The following LHFPL3 variants were observed in gnomAD, a reference collection of about 807,000 sequenced individuals.
LHFPL3 encodes LHFPL tetraspan subfamily member 3 protein.
LHFPL3 carries 5 observed loss-of-function variants against 19.3 expected under a neutral mutation model. That is an observed-to-expected ratio of 0.26 (90% CI 0.14 to 0.54). The LOEUF is 0.54. LHFPL3 is among the 20% of genes least tolerant of loss of function. The pLI is 0.94. For missense variants in LHFPL3, 249 were observed against 307.4 expected, an observed-to-expected ratio of 0.81 and a Z score of 1.42; for synonymous variants, 133 against 126.2, an observed-to-expected ratio of 1.05 and a Z score of -0.36.
chr7:104,658,228 C>T (rs1306127386), intron 1 of LHFPL3, among the ~76,000 whole-genome samples: 1 of 152,150 alleles, frequency 6.6e-6, no homozygotes, highest in Non-Finnish European at 1.5e-5. Flanking sequence ...GTTCTCAGTT[C>T]TGATTTCTTT....
intron 1 of LHFPL3, among the ~76,000 whole-genome samples, chr7:104,695,568 TAA>T (rs1048513951): frequency 2.0e-5 from 3 of 152,190 alleles, no homozygotes; most frequent in Admixed American, 2.0e-4. Flanking sequence ...CTGCTGAGAC[TAA>T]AAAACTCAAA....
At chr7:104,414,083 T>A (rs1221583821) in intron 1 of LHFPL3, among the ~76,000 whole-genome samples, 1 of 150,740 alleles carries the variant, frequency 6.6e-6, no homozygotes, top group East Asian at 2.0e-4. Flanking sequence ...ACTGTATTCC[T>A]CATTATTTCA....
At chr7:104,790,118 A>AT (rs1789993233) in intron 2 of LHFPL3, among the ~76,000 whole-genome samples, 1 of 152,198 alleles carries the variant, frequency 6.6e-6, no homozygotes, top group African/African-American at 2.4e-5. Flanking sequence ...GACTGTGTTT[A>AT]TTCACCAGGG....
chr7:104,635,045 A>G (rs1053220810), intron 1 of LHFPL3, among the ~76,000 whole-genome samples: 9 of 152,226 alleles, frequency 5.9e-5, no homozygotes, highest in African/African-American at 2.2e-4. Context: ...AATGTTATGT[A>G]TATTTTTTAA....
intron 1 of LHFPL3, among the ~76,000 whole-genome samples, chr7:104,430,967 C>G (rs1215292712): frequency 6.6e-6 from 1 of 151,688 alleles, no homozygotes; most frequent in East Asian, 1.9e-4. Flanking sequence ...ACATACAGAC[C>G]AGATGATAAA....
intron 1 of LHFPL3, among the ~76,000 whole-genome samples, chr7:104,646,696 T>C (rs1562957348): frequency 6.6e-6 from 1 of 152,222 alleles, no homozygotes; most frequent in African/African-American, 2.4e-5. Flanking sequence ...GACTGAGCTA[T>C]TGAATGTTTA....
chr7:104,795,466 T>G (rs770690352), intron 2 of LHFPL3, among the ~76,000 whole-genome samples: 1 of 152,214 alleles, frequency 6.6e-6, no homozygotes, highest in African/African-American at 2.4e-5. Flanking sequence ...TCTAACAGTT[T>G]GTATGCCTCA....
At chr7:104,820,722 T>A (rs549086331) in intron 2 of LHFPL3, among the ~76,000 whole-genome samples, 1 of 152,184 alleles carries the variant, frequency 6.6e-6, no homozygotes, top group Non-Finnish European at 1.5e-5. Context: ...AGGGAGCACA[T>A]AGGTTGGGAA....
At chr7:104,872,314 G>A (rs1791853019) in intron 2 of LHFPL3, among the ~76,000 whole-genome samples, 1 of 149,600 alleles carries the variant, frequency 6.7e-6, no homozygotes, top group South Asian at 2.1e-4. Flanking sequence ...TCCAGCCTAG[G>A]TGACAGAGCA....
At chr7:104,652,561 C>A (rs1470021681) in intron 1 of LHFPL3, among the ~76,000 whole-genome samples, 1 of 152,108 alleles carries the variant, frequency 6.6e-6, no homozygotes, top group Non-Finnish European at 1.5e-5. Flanking sequence ...AAGGTCTTAG[C>A]ATAGGATCCA....
At chr7:104,417,752 A>C (rs1212890674) in intron 1 of LHFPL3, among the ~76,000 whole-genome samples, 1 of 123,648 alleles carries the variant, frequency 8.1e-6, no homozygotes, top group Non-Finnish European at 1.8e-5. Context: ...AGACATAACT[A>C]ATATGCAGTA....
intron 1 of LHFPL3, among the ~76,000 whole-genome samples, chr7:104,468,535 C>T (rs1285788087): frequency 6.6e-6 from 1 of 152,032 alleles, no homozygotes; most frequent in African/African-American, 2.4e-5. Flanking sequence ...TGTGCCCTTG[C>T]AAGTGGGAGC....
At chr7:104,379,813 C>T (rs1049864400) in intron 1 of LHFPL3, among the ~76,000 whole-genome samples, 1 of 152,206 alleles carries the variant, frequency 6.6e-6, no homozygotes, top group Admixed American at 6.5e-5. Context: ...ATGGATGTGG[C>T]TGGAGCCACA....
intron 1 of LHFPL3, among the ~76,000 whole-genome samples, chr7:104,707,020 G>A (rs958021591): frequency 6.6e-6 from 1 of 152,142 alleles, no homozygotes; most frequent in South Asian, 2.1e-4. Flanking sequence ...ACAAAAAGAA[G>A]CCTTAGATCT....
chr7:104,840,665 C>T (rs1005581123), intron 2 of LHFPL3, among the ~76,000 whole-genome samples: 6 of 151,542 alleles, frequency 4.0e-5, no homozygotes, highest in South Asian at 2.1e-4. Flanking sequence ...CCACTGAACA[C>T]CAAATATCCA....
At chr7:104,750,755 CA>C (rs375406665) in intron 2 of LHFPL3, among the ~76,000 whole-genome samples, 94 of 152,300 alleles carry the variant, frequency 6.2e-4, no homozygotes, top group East Asian at 3.1e-3. Context: ...ACACTTGGGA[CA>C]GGGGGGGTTG....
At chr7:104,860,152 C>T (rs1206099107) in intron 2 of LHFPL3, among the ~76,000 whole-genome samples, 2 of 146,940 alleles carry the variant, frequency 1.4e-5, no homozygotes, top group South Asian at 2.2e-4. Context: ...CCACCACCCC[C>T]CAAATACACA....
chr7:104,736,916 G>T lies in LHFPL3; in HGVS notation c.682+5G>T, dbSNP rs775742044. 8.2e-6 allele frequency: 13 copies of T among 1,584,486 alleles called. No homozygotes were observed. The stretch of plus-strand genomic sequence containing the variant: ...AACTGAAGGCAGAAAACAAAGGTAA[G>T]ATTGCTTTAAGGAACTCTTACCTGG... On this transcript the variant is annotated splice_donor_5th_base_variant and intron_variant, in intron 2 of 2. Coordinates refer to ENST00000424859, the MANE Select transcript of LHFPL3 (RefSeq NM_199000.3).
intron 2 of LHFPL3, among the ~76,000 whole-genome samples, chr7:104,784,828 C>A (rs1348252466): frequency 1.3e-5 from 2 of 152,094 alleles, no homozygotes; most frequent in Non-Finnish European, 2.9e-5. Context: ...AAAAGACAAG[C>A]CCCATAAGAT....
Sources: gnomAD v4.1 joint callset for allele counts (sites outside exome capture counted in the v4.1 genomes callset) on GRCh38, gnomAD v4.1.1 for gene constraint, MANE v1.5 for transcripts, NCBI Gene and HGNC (gene_info 2026-07-23, HGNC 2026-07-21) for gene names.